The following CSMD1 variants were observed in gnomAD, a reference collection of about 807,000 sequenced individuals.
CSMD1 encodes the protein CUB and sushi domain-containing protein 1.
Under a neutral mutation model 417.5 loss-of-function variants are expected in CSMD1, and 213 were observed. That is an observed-to-expected ratio of 0.51 (90% confidence interval 0.46 to 0.57). The LOEUF (loss-of-function observed/expected upper bound fraction) is 0.57, where lower values mean the gene tolerates loss of function less well. Ranked by LOEUF, CSMD1 falls within the 20% of genes least tolerant of loss-of-function variation. The probability of loss-of-function intolerance (pLI) is 0.00; values close to 1 mark genes in which losing one functional copy is unlikely to be tolerated. For synonymous variants in CSMD1, 2,862 were observed against 1,736.8 expected (o/e 1.65, Z -16.11); for missense variants, 6,923 against 4,529.7 (o/e 1.53, Z -15.17).
intron 50 of CSMD1, among the ~76,000 whole-genome samples, chr8:3,037,941 T>C (rs543509255): frequency 6.6e-6 from 1 of 152,312 alleles, no homozygotes; most frequent in Admixed American, 6.5e-5. Context: ...ATCACCAGAC[T>C]TTTCCTTATT....
At chr8:3,614,315 T>C (rs113158322) in intron 8 of CSMD1, among the ~76,000 whole-genome samples, 585 of 152,254 alleles carry the variant, frequency 3.8e-3, no homozygotes, top group Non-Finnish European at 6.7e-3. Context: ...CCTGACGGGC[T>C]ATACGTCTGC....
At chr8:4,590,365 C>T (rs141617051) in intron 2 of CSMD1, among the ~76,000 whole-genome samples, 4 of 152,256 alleles carry the variant, frequency 2.6e-5, no homozygotes, top group Non-Finnish European at 5.9e-5. Context: ...CTAAAACATA[C>T]ATGCTCAATC....
chr8:3,494,415 G>A (rs1278906099), intron 10 of CSMD1, among the ~76,000 whole-genome samples: 1 of 152,046 alleles, frequency 6.6e-6, no homozygotes, highest in East Asian at 1.9e-4. Flanking sequence ...ATACTATGAG[G>A]AAGAAAAAGT....
At chr8:3,823,541 CTT>C (rs1191137435) in intron 5 of CSMD1, among the ~76,000 whole-genome samples, 13 of 152,058 alleles carry the variant, frequency 8.5e-5, no homozygotes, top group African/African-American at 2.9e-4. Flanking sequence ...TAAAGTATAA[CTT>C]AATAAAATAA....
chr8:3,349,907 T>C (rs1808290247), intron 21 of CSMD1, among the ~76,000 whole-genome samples: 1 of 128,148 alleles, frequency 7.8e-6, no homozygotes, highest in Non-Finnish European at 1.6e-5. Flanking sequence ...TATATATTTA[T>C]ATATATTTAT....
intron 7 of CSMD1, among the ~76,000 whole-genome samples, chr8:3,677,055 C>T (rs1336476539): frequency 2.0e-5 from 3 of 151,832 alleles, no homozygotes; most frequent in East Asian, 1.9e-4. Context: ...CTAATGCATA[C>T]GGGGCTTAAA....
intron 6 of CSMD1, among the ~76,000 whole-genome samples, chr8:3,735,458 T>C (rs762650718): frequency 1.3e-5 from 2 of 152,186 alleles, no homozygotes; most frequent in African/African-American, 2.4e-5. Context: ...TTAGGCAAAA[T>C]GTTTTAGAAG....
At chr8:4,510,253 T>C (rs1015231473) in intron 2 of CSMD1, among the ~76,000 whole-genome samples, 3 of 151,894 alleles carry the variant, frequency 2.0e-5, no homozygotes, top group African/African-American at 7.3e-5. Context: ...CCTCTTTCCT[T>C]TATAAATGAC....
intron 3 of CSMD1, among the ~76,000 whole-genome samples, chr8:4,376,565 G>A (rs139734057): frequency 8.5e-5 from 13 of 152,174 alleles, no homozygotes; most frequent in African/African-American, 3.1e-4. Context: ...ATATTTGCCT[G>A]TTTGTTGTTG....
intron 8 of CSMD1, among the ~76,000 whole-genome samples, chr8:3,602,990 G>T (rs1801434670): frequency 6.6e-6 from 1 of 152,124 alleles, no homozygotes; most frequent in Non-Finnish European, 1.5e-5. Context: ...ATATTGAAAA[G>T]ACTGTGTAAG....
In CSMD1 at chr8:3,930,349, G is replaced by C. The variant is rs1028987775; in HGVS notation, c.818+67554C>G. On this transcript the variant is annotated intron_variant, in intron 5 of 69. Transcript: ENST00000635120. ...TTAAATATCTGCCAGCCATAATAAA[G>C]AAATCAATGTATTTTATGTTCTTAG... Among the ~76,000 whole-genome samples the C allele has an allele frequency of 1.2e-4, 18 of 150,674 alleles. 1 individual carries two copies. Among genetic ancestry groups the C allele is most frequent in the Middle Eastern group, 3.4e-3 (1 of 294 alleles).
intron 10 of CSMD1, among the ~76,000 whole-genome samples, chr8:3,527,192 A>T (rs1327775364): frequency 6.6e-6 from 1 of 152,216 alleles, no homozygotes; most frequent in Non-Finnish European, 1.5e-5. Context: ...AATATAAAAC[A>T]CTATTATTTT....
intron 1 of CSMD1, among the ~76,000 whole-genome samples, chr8:4,692,429 A>G (rs1408550648): frequency 6.6e-6 from 1 of 152,192 alleles, no homozygotes; most frequent in African/African-American, 2.4e-5. Flanking sequence ...CAGGATTTTT[A>G]AAGAGTAGAC....
At position 3,395,294 on chromosome 8, in the gene CSMD1, T is replaced by C. The variant is rs535711647; in HGVS notation, c.2593+900A>G. 5.9e-5 allele frequency among the ~76,000 whole-genome samples: 9 copies of C among 152,312 alleles called. No individual in the cohort carries two copies. In the East Asian group the frequency reaches 1.2e-3, roughly 20 times the overall value. ...AAAAGTCTGATTCCTTCAGGTCCAA[T>C]AGTAATTGCCACTTTTTCTCGCTTT... On this transcript the variant is annotated intron_variant, in intron 17 of 69. Transcript: ENST00000635120.
intron 26 of CSMD1, among the ~76,000 whole-genome samples, chr8:3,246,943 C>A (rs932229274): frequency 2.6e-5 from 4 of 152,154 alleles, no homozygotes; most frequent in African/African-American, 7.2e-5. Context: ...AGAAAGCTTA[C>A]AATTTATTGC....
At chr8:3,943,297 C>G (rs1811005901) in intron 5 of CSMD1, among the ~76,000 whole-genome samples, 1 of 151,192 alleles carries the variant, frequency 6.6e-6, no homozygotes, top group Non-Finnish European at 1.5e-5. Flanking sequence ...CACTTTATCA[C>G]CCTTGACAAC....
chr8:3,020,262 G>C (rs1009715487), intron 51 of CSMD1, among the ~76,000 whole-genome samples: 1 of 152,240 alleles, frequency 6.6e-6, no homozygotes, highest in Non-Finnish European at 1.5e-5. Context: ...AACAATGAAA[G>C]TATAAATCAG....
chr8:3,603,930 G>C (rs1410113127), intron 8 of CSMD1, among the ~76,000 whole-genome samples: 2 of 152,144 alleles, frequency 1.3e-5, no homozygotes, highest in Non-Finnish European at 2.9e-5. Context: ...AGAAACAGCA[G>C]CTTTTTTATT....
chr8:4,427,916 T>C (rs1203221081), intron 2 of CSMD1, among the ~76,000 whole-genome samples: 2 of 152,142 alleles, frequency 1.3e-5, no homozygotes, highest in African/African-American at 4.8e-5. Flanking sequence ...AGACTGCCCT[T>C]TATTTAAGGC....
Sources: gnomAD v4.1 joint callset for allele counts (sites outside exome capture counted in the v4.1 genomes callset) on GRCh38, gnomAD v4.1.1 for gene constraint, MANE v1.5 for transcripts, NCBI Gene and HGNC (gene_info 2026-07-23, HGNC 2026-07-21) for gene names.